G2E3: variants seen among roughly 807,000 people sequenced by gnomAD.
G2E3 encodes the protein G2/M phase-specific E3 ubiquitin-protein ligase.
In G2E3, 35 loss-of-function variants were observed where a neutral mutation model predicts 92.8. The observed-to-expected ratio is 0.38, with a 90% CI of 0.29 to 0.50. The LOEUF (loss-of-function observed/expected upper bound fraction) is 0.50, where lower values mean the gene tolerates loss of function less well. Among genes scored for constraint, G2E3 ranks in the 20% least tolerant of loss-of-function variants. The probability of loss-of-function intolerance (pLI) is 0.94; values close to 1 mark genes in which losing one functional copy is unlikely to be tolerated. For synonymous variants in G2E3, 242 were observed against 272.4 expected (o/e 0.89, Z 1.10); for missense variants, 554 against 823.8 (o/e 0.67, Z 4.01).
At chr14:30,596,924 C>T (rs1221435954) in intron 6 of G2E3, among the ~76,000 whole-genome samples, 1 of 152,090 alleles carries the variant, frequency 6.6e-6, no homozygotes, top group Non-Finnish European at 1.5e-5. Context: ...TTCTGAGTAC[C>T]CTCTGTCTGG....
intron 6 of G2E3, among the ~76,000 whole-genome samples, chr14:30,596,492 C>G (rs760654369): frequency 6.6e-6 from 1 of 152,188 alleles, no homozygotes; most frequent in Non-Finnish European, 1.5e-5. Flanking sequence ...CATTCTCTCT[C>G]TTGCCGGGGA....
intron 1 of G2E3, among the ~76,000 whole-genome samples, chr14:30,570,887 A>T (rs1879719928): frequency 6.6e-6 from 1 of 152,096 alleles, no homozygotes; most frequent in Non-Finnish European, 1.5e-5. Context: ...TAAGTCCTTT[A>T]TCAGATTATG....
intron 1 of G2E3, among the ~76,000 whole-genome samples, chr14:30,577,450 T>A (rs1304997014): frequency 2.0e-5 from 3 of 152,192 alleles, no homozygotes; most frequent in Non-Finnish European, 4.4e-5. Flanking sequence ...GCTGCTTAGC[T>A]GTGTGGTTCT....
rs751924171 is a variant in G2E3 at position 30,612,209 on chromosome 14, A to T, written c.1503A>T (p.Ile501=). The T allele has an allele frequency of 9.3e-6, 15 of 1,606,156 alleles. No homozygotes were observed. The highest frequency in any genetic ancestry group is 3.3e-5 in the Admixed American group (2 of 59,714). The change falls in exon 13 of 15, where the codon ATA becomes ATT. Residue 501 remains isoleucine, a splice_region_variant and synonymous_variant. Transcript: ENST00000206595. The stretch of plus-strand genomic sequence containing the variant: ...CTGTATTTTCTCCTTCATTACAGAT[A>T]AATACTGCAACAACTGTAGCTGACT... ...DFDVAQIIIR[I]NTATTVADLK... is the part of the protein sequence containing the mutation.
chr14:30,564,192 A>G (rs1011134031), intron 1 of G2E3, among the ~76,000 whole-genome samples: 5 of 152,184 alleles, frequency 3.3e-5, no homozygotes, highest in Non-Finnish European at 4.4e-5. Context: ...TGTTTTATCC[A>G]TATACATTGT....
At chr14:30,571,219 A>G (rs1425810914) in intron 1 of G2E3, among the ~76,000 whole-genome samples, 6 of 148,468 alleles carry the variant, frequency 4.0e-5, no homozygotes, top group Non-Finnish European at 7.4e-5. Flanking sequence ...CTTTATGACC[A>G]GTGATGTTCA....
chr14:30,580,308 G>A (rs1464974104), intron 1 of G2E3, among the ~76,000 whole-genome samples: 1 of 152,168 alleles, frequency 6.6e-6, no homozygotes, highest in Non-Finnish European at 1.5e-5. Flanking sequence ...CCGAGTTCAA[G>A]CAATTCTCTT....
At chr14:30,596,185 C>T (rs1034005029) in intron 6 of G2E3, among the ~76,000 whole-genome samples, 1 of 150,056 alleles carries the variant, frequency 6.7e-6, no homozygotes, top group Non-Finnish European at 1.5e-5. Context: ...ATTGTCTGAA[C>T]CTGGAATCCT....
chr14:30,591,827 A>G (rs1160857000), intron 4 of G2E3, among the ~76,000 whole-genome samples: 1 of 152,170 alleles, frequency 6.6e-6, no homozygotes, highest in Non-Finnish European at 1.5e-5. Context: ...GGACCTGAGC[A>G]TAACTTTTTG....
rs1347097083 is a variant in G2E3 at position 30,618,426 on chromosome 14, A to G, written c.*1892A>G. 1 of 152,130 alleles carries G rather than the reference A, an allele frequency of 6.6e-6. No individual in the cohort carries two copies. Among genetic ancestry groups the G allele is most frequent in the Non-Finnish European group, 1.5e-5 (1 of 67,940 alleles). 9.4% of individuals were successfully genotyped at this position (152,130 alleles called of 1,614,324 possible). A position where few individuals can be genotyped will look rare whatever the true frequency, so the allele number is the denominator to read the frequency against. ...CAATACAAACCAATAAAACCTAGTT[A>G]AAGCTATTTTCTGGTTTTTAGTTGC... On this transcript the variant is annotated 3_prime_UTR_variant, in exon 15 of 15. Coordinates refer to ENST00000206595, the MANE Select transcript of G2E3 (RefSeq NM_017769.5).
chr14:30,563,736 TGTGA>T (rs773496005), intron 1 of G2E3, among the ~76,000 whole-genome samples: 2 of 142,418 alleles, frequency 1.4e-5, no homozygotes, highest in Non-Finnish European at 3.1e-5. Context: ...TGTGTGTGTG[TGTGA>T]TATAGAGTCT....
chr14:30,615,842 T>G (rs2138923940), intron 14 of G2E3, among the ~76,000 whole-genome samples: 1 of 152,288 alleles, frequency 6.6e-6, no homozygotes, highest in Admixed American at 6.5e-5. Flanking sequence ...ATAATCTATT[T>G]CATCATTTTC....
chr14:30,615,550 A>G lies in G2E3; in HGVS notation c.1864+11A>G. On this transcript the variant is annotated intron_variant, in intron 14 of 14. Transcript: ENST00000206595. ...TACAGGCTGTTGAAGGTATGTGGAT[A>G]TTTTATTTTACTTTTAACGATCTCA... 6.7e-7 allele frequency: 1 copy of G among 1,490,394 alleles called. No homozygotes were observed. Among genetic ancestry groups the G allele is most frequent in the African/African-American group, 1.4e-5 (1 of 70,768 alleles). The allele number at this position is 1,490,394 out of a possible 1,614,324, so 92.3% of individuals were successfully genotyped here.
chr14:30,590,098 G>A (rs554246900), intron 4 of G2E3, among the ~76,000 whole-genome samples: 5 of 152,196 alleles, frequency 3.3e-5, no homozygotes, highest in African/African-American at 4.8e-5. Flanking sequence ...GCAGGGAAAC[G>A]TCTCCATATT....
In G2E3 at chr14:30,571,035, G is replaced by A. The variant is rs139237356; in HGVS notation, c.-4-10041G>A. 1.9e-3 allele frequency among the ~76,000 whole-genome samples: 288 copies of A among 152,018 alleles called. 2 individuals carry two copies. Among genetic ancestry groups the A allele is most frequent in the African/African-American group, 6.5e-3 (269 of 41,486 alleles). Reference sequence around the variant, plus strand: ...CAGTATTGTATCTAAGAAATCTTACGTAACATAAGGTCACAGAAATTTTCT... The same window carrying A: ...CAGTATTGTATCTAAGAAATCTTACATAACATAAGGTCACAGAAATTTTCT... On this transcript the variant is annotated intron_variant, in intron 1 of 14. Transcript: ENST00000206595.
At chr14:30,581,884 T>G (rs890885434) in intron 2 of G2E3, among the ~76,000 whole-genome samples, 6 of 152,214 alleles carry the variant, frequency 3.9e-5, no homozygotes, top group Non-Finnish European at 5.9e-5. Flanking sequence ...ATGATTACAC[T>G]CTTCTGCCAC....
At chr14:30,587,506 C>T (rs1038659990) in intron 3 of G2E3, among the ~76,000 whole-genome samples, 24 of 152,248 alleles carry the variant, frequency 1.6e-4, no homozygotes, top group Middle Eastern at 3.4e-3. Flanking sequence ...GCAGATAAAA[C>T]GTTTGTCATC....
chr14:30,594,618 G>T (rs970499438), intron 6 of G2E3, among the ~76,000 whole-genome samples: 1 of 152,020 alleles, frequency 6.6e-6, no homozygotes, highest in South Asian at 2.1e-4. Context: ...GCATGAACCC[G>T]GAAGACGGAG....
chr14:30,611,594 T>G (rs447853), intron 12 of G2E3: 51,748 of 151,870 alleles, frequency 0.34, 9,479 homozygotes, highest in East Asian at 0.55. Context: ...CAGCTGTTAC[T>G]CTTTTTCATG....
Sources: gnomAD v4.1 joint callset for allele counts (sites outside exome capture counted in the v4.1 genomes callset) on GRCh38, gnomAD v4.1.1 for gene constraint, MANE v1.5 for transcripts, NCBI Gene and HGNC (gene_info 2026-07-23, HGNC 2026-07-21) for gene names.